CNTRL: variants seen among roughly 807,000 people sequenced by gnomAD.
CNTRL encodes 110 kDa centrosomal protein.
CNTRL carries 233 observed loss-of-function variants against 303.7 expected under a neutral mutation model. The ratio of observed to expected loss-of-function variants is 0.77; its 90% CI spans 0.69 to 0.86. The LOEUF (loss-of-function observed/expected upper bound fraction) is 0.86. Ranked by LOEUF, CNTRL falls within the 40% of genes least tolerant of loss-of-function variation. The probability of loss-of-function intolerance (pLI) is 0.00; values close to 1 mark genes in which losing one functional copy is unlikely to be tolerated. For synonymous variants in CNTRL, 900 were observed against 922.2 expected, an observed-to-expected ratio of 0.98 and a Z score of 0.44; for missense variants, 2,524 against 2,650.6, an observed-to-expected ratio of 0.95 and a Z score of 1.05.
Position 121,094,127 on chromosome 9 carries a change from C to CA in CNTRL, c.349-752dup, listed in dbSNP as rs928872924. Among the ~76,000 whole-genome samples the CA allele has an allele frequency of 4.8e-5, 7 of 146,218 alleles. No homozygotes were observed. In the East Asian group the frequency reaches 6.0e-4, roughly 13 times the overall value. ...GGTCCCCGCCCCCTCCCCACCCCCG[C>CA]AAAAAAAAAGAAAAAGAAGAAAGCT... On this transcript the variant is annotated intron_variant, in intron 4 of 43. Coordinates refer to ENST00000373855, the MANE Select transcript of CNTRL (RefSeq NM_007018.6).
chr9:121,138,825 C>T, intron 16 of CNTRL, 146 bp downstream of exon 16: 2 of 691,396 alleles, frequency 2.9e-6, no homozygotes, highest in Non-Finnish European at 2.4e-6. Context: ...GGAGCAGCAC[C>T]ATAGCTCCTG....
In CNTRL at chr9:121,113,696, G is replaced by A. The variant is rs1312770504; in HGVS notation, c.1317G>A (p.Leu439=). The change falls in exon 10 of 44, where the codon CTG becomes CTA. Residue 439 remains leucine (L), a synonymous_variant. Transcript: ENST00000373855. ...GCCACACACCACTGGACACGCAACT[G>A]GAAGACAAAGAAAAAAAAATAAGTG... The part of the protein sequence containing the change: ...LRGHTPLDTQ[L]EDKEKKISAA... The A allele has an allele frequency of 6.5e-7, 1 of 1,530,930 alleles. No homozygotes were observed. Among genetic ancestry groups the A allele is most frequent in the East Asian group, 2.3e-5 (1 of 42,658 alleles). 94.8% of individuals were successfully genotyped at this position (1,530,930 alleles called of 1,614,324 possible). A position where few individuals can be genotyped will look rare whatever the true frequency, so the allele number is the denominator to read the frequency against.
rs769479358 is a variant in CNTRL at position 121,107,904 on chromosome 9, A to G, written c.911A>G (p.Asp304Gly). The stretch of plus-strand genomic sequence containing the variant: ...TTCCTTGAGGAAATTAAAAATCAAG[A>G]TAAATTGAATAAATCATTAAAAGAG... ...TRFLEEIKNQ[D>G]KLNKSLKEEA... Residue 304 changes from aspartate to glycine, a missense_variant, in exon 8 of 44, where the codon GAT becomes GGT. Physicochemically the swap from Asp to Gly is moderately conservative, Grantham distance 94. Coordinates refer to ENST00000373855, the MANE Select transcript of CNTRL (RefSeq NM_007018.6). 1 of 1,611,100 alleles carries G rather than the reference A, an allele frequency of 6.2e-7. No individual in the cohort carries two copies. The highest frequency in any genetic ancestry group is 8.5e-7 in the Non-Finnish European group (1 of 1,178,566).
At chr9:121,081,229 A>G (rs543768027) in intron 2 of CNTRL, among the ~76,000 whole-genome samples, 3 of 152,358 alleles carry the variant, frequency 2.0e-5, no homozygotes, top group East Asian at 3.9e-4. Flanking sequence ...ATGTACCCAT[A>G]TGCTTGTGAA....
chr9:121,167,604 C>T lies in CNTRL; in HGVS notation c.5771C>T (p.Thr1924Ile). Reference protein sequence around the residue: ...RFEDCQKEEETKQQQLQVLQN... With the variant: ...RFEDCQKEEEIKQQQLQVLQN... ...GAAGACTGTCAGAAAGAAGAGGAGACAAAACAACAACAACTTCAAGTGCTT... is the reference window on the plus strand; with the variant it reads ...GAAGACTGTCAGAAAGAAGAGGAGATAAAACAACAACAACTTCAAGTGCTT... Residue 1924 changes from threonine (T) to isoleucine (I), a missense_variant, in exon 37 of 44, where the codon ACA becomes ATA. Coordinates refer to ENST00000373855, the MANE Select transcript of CNTRL (RefSeq NM_007018.6). 1 of 1,614,002 alleles carries T rather than the reference C, an allele frequency of 6.2e-7. No homozygotes were observed. The highest frequency in any genetic ancestry group is 8.5e-7 in the Non-Finnish European group (1 of 1,179,970).
chr9:121,150,673 A>T (rs2052180387), intron 25 of CNTRL, 190 bp downstream of exon 25: 2 of 603,530 alleles, frequency 3.3e-6, no homozygotes. Context: ...ATGTGCCTAT[A>T]ATCCGAGCTA....
At chr9:121,085,854 G>A (rs1313229486) in intron 2 of CNTRL, among the ~76,000 whole-genome samples, 1 of 152,170 alleles carries the variant, frequency 6.6e-6, no homozygotes, top group Admixed American at 6.5e-5. Flanking sequence ...GAAAGTTTGG[G>A]CCAGACTGTG....
At chr9:121,140,402 C>T (rs1189578420) in intron 16 of CNTRL, among the ~76,000 whole-genome samples, 1 of 152,218 alleles carries the variant, frequency 6.6e-6, no homozygotes, top group African/African-American at 2.4e-5. Context: ...ATAAAGAGGA[C>T]TCCAGATGGA....
intron 36 of CNTRL, 131 bp downstream of exon 36, chr9:121,166,311 T>C: frequency 1.7e-6 from 1 of 592,202 alleles, no homozygotes; most frequent in Non-Finnish European, 3.0e-6. Context: ...TTATGTAACA[T>C]AACCATCACA....
chr9:121,126,034 A>G, intron 14 of CNTRL, 98 bp downstream of exon 14: 2 of 993,330 alleles, frequency 2.0e-6, no homozygotes, highest in East Asian at 2.6e-5. Context: ...TTAAGTGGGA[A>G]AAAGTATTAG....
chr9:121,108,846 AACTGTATTTAGCAGAAATGAAAGTCC>A (rs927053461), intron 8 of CNTRL, among the ~76,000 whole-genome samples: 6 of 152,120 alleles, frequency 3.9e-5, no homozygotes, highest in Admixed American at 1.3e-4. Flanking sequence ...TAGACAACAC[AACTGTATTTAGCAGAAATGAAAGTCC>A]ACTCTTCCCT....
chr9:121,113,647 G>A lies in CNTRL; in HGVS notation c.1268G>A (p.Arg423Lys), dbSNP rs765211287. 23 of 1,606,394 alleles carry A rather than the reference G, an allele frequency of 1.4e-5. No individual in the cohort carries two copies. In the South Asian group the frequency reaches 2.5e-4, roughly 17 times the overall value. ...AAGATGGAGCCAGATGAACAACTTAGAAATGATCACATGAACTTGAGAGGC... is the reference window on the plus strand; with the variant it reads ...AAGATGGAGCCAGATGAACAACTTAAAAATGATCACATGAACTTGAGAGGC... ...IKKMEPDEQL[R>K]NDHMNLRGHT... The change falls in exon 10 of 44, where the codon AGA becomes AAA. Residue 423 changes from arginine to lysine, a missense_variant. Transcript: ENST00000373855.
chr9:121,173,702 C>T lies in CNTRL; in HGVS notation c.6712C>T (p.Arg2238Trp), dbSNP rs139911735. ...MDEHWRGEAL[R>W]EKLRHREDRL... ...TGAACACTGGCGTGGAGAAGCACTC[C>T]GGGAGAAACTGCGTCACCGGGAAGA... The change falls in exon 42 of 44, where the codon CGG becomes TGG. Residue 2238 changes from arginine to tryptophan, a missense_variant. By Grantham distance (101) the Arg-to-Trp change is moderately radical. Transcript: ENST00000373855. 433 of 1,614,048 alleles carry T rather than the reference C, an allele frequency of 2.7e-4. No homozygotes were observed. Among genetic ancestry groups the T allele is most frequent in the East Asian group, 9.8e-4 (44 of 44,880 alleles).
chr9:121,126,025 T>G (rs1481444261), intron 14 of CNTRL, 89 bp downstream of exon 14: 5 of 1,105,982 alleles, frequency 4.5e-6, no homozygotes, highest in Non-Finnish European at 6.7e-6. Flanking sequence ...AGTACATTTT[T>G]AAGTGGGAAA....
At position 121,161,129 on chromosome 9, in the gene CNTRL, T is replaced by TGA. The variant is rs539556339; in HGVS notation, c.5090-723_5090-722dup. ...TAGTCCCAGTTTATTTTAAAATGTG[T>TGA]GAGAGTGTGTGTGTGTGCGCGCGTG... On this transcript the variant is annotated intron_variant, in intron 32 of 43. Coordinates refer to ENST00000373855, the MANE Select transcript of CNTRL (RefSeq NM_007018.6). Among the ~76,000 whole-genome samples, 7 of 91,280 alleles carry TGA rather than the reference T, an allele frequency of 7.7e-5. No individual in the cohort carries two copies. The South Asian group carries it at 4.2e-3, about 55-fold the overall frequency. 59.9% of individuals were successfully genotyped at this position (91,280 alleles called of 152,430 possible). A position where few individuals can be genotyped will look rare whatever the true frequency, so the allele number is the denominator to read the frequency against.
chr9:121,167,492 C>T lies in CNTRL; in HGVS notation c.5659C>T (p.Leu1887=), dbSNP rs61745682. The T allele has an allele frequency of 0.14, 225,127 of 1,610,162 alleles. 16,840 individuals carry two copies. Among genetic ancestry groups the T allele is most frequent in the East Asian group, 0.22 (9,703 of 44,798 alleles). ...CCACTTGTTCTTTCACCTAAAGGAC[C>T]TGCTTCACACCACCAAGCATCAGGA... is the stretch of plus-strand genomic sequence containing the variant. ...QDHLNLAKQD[L]LHTTKHQDVL... is the part of the protein sequence containing the mutation. The change falls in exon 37 of 44, where the codon CTG becomes TTG. Residue 1887 remains leucine, a synonymous_variant. Coordinates refer to ENST00000373855, the MANE Select transcript of CNTRL (RefSeq NM_007018.6).
intron 4 of CNTRL, among the ~76,000 whole-genome samples, chr9:121,092,320 A>G (rs865822430): frequency 7.0e-6 from 1 of 143,412 alleles, no homozygotes; most frequent in Non-Finnish European, 1.5e-5. Flanking sequence ...CTGGTGCTAA[A>G]TAAATACTTA....
chr9:121,098,461 C>T lies in CNTRL; in HGVS notation c.697C>T (p.Leu233Phe). 2 of 1,613,814 alleles carry T rather than the reference C, an allele frequency of 1.2e-6. No homozygotes were observed. Among genetic ancestry groups the T allele is most frequent in the Non-Finnish European group, 1.7e-6 (2 of 1,179,744 alleles). Reference protein sequence around the residue: ...LILVENPVVTLPHYLQFTIFH... With the variant: ...LILVENPVVTFPHYLQFTIFH... ...CCTAGTTGAAAATCCAGTTGTGACC[C>T]TTCCTCATTACCTCCAGTTTACCAT... Residue 233 changes from leucine (L) to phenylalanine (F), a missense_variant, in exon 7 of 44, where the codon CTT becomes TTT. Transcript: ENST00000373855.
intron 4 of CNTRL, among the ~76,000 whole-genome samples, chr9:121,093,519 T>C (rs1046308811): frequency 6.6e-6 from 1 of 152,182 alleles, no homozygotes; most frequent in Non-Finnish European, 1.5e-5. Flanking sequence ...GAATAAGGTA[T>C]AGTCAACCTG....
Sources: allele counts gnomAD v4.1 joint callset (sites outside exome capture counted in the v4.1 genomes callset), GRCh38; gene constraint gnomAD v4.1.1; transcripts MANE v1.5; gene names NCBI Gene and HGNC (gene_info 2026-07-23, HGNC 2026-07-21).